Variants in HEMK2 observed in about 807,000 individuals in gnomAD.
HEMK2 encodes methyltransferase HEMK2.
chr21:28,883,630 T>C, the HEMK2 span, among the ~76,000 whole-genome samples: 2 of 152,202 alleles, frequency 1.3e-5, no homozygotes, highest in African/African-American at 4.8e-5. Context: ...TCTTTGAATG[T>C]TAACCATCTT....
the HEMK2 span, among the ~76,000 whole-genome samples, chr21:28,770,343 C>CT: frequency 3.3e-5 from 5 of 152,226 alleles, no homozygotes; most frequent in South Asian, 2.1e-4. Flanking sequence ...AGCCCCTTTA[C>CT]TTTCTTCCCT....
At chr21:28,723,210 C>T in the HEMK2 span, among the ~76,000 whole-genome samples, 4 of 151,290 alleles carry the variant, frequency 2.6e-5, no homozygotes, top group Admixed American at 2.6e-4. Context: ...GAGACAGAGT[C>T]TTGTTATGTT....
At chr21:28,681,570 C>CA in the HEMK2 span, among the ~76,000 whole-genome samples, 17 of 151,750 alleles carry the variant, frequency 1.1e-4, no homozygotes, top group Admixed American at 1.1e-3. Flanking sequence ...TCATATGGAC[C>CA]AAAAAAAAGC....
At chr21:28,747,945 T>C in the HEMK2 span, among the ~76,000 whole-genome samples, 1 of 152,234 alleles carries the variant, frequency 6.6e-6, no homozygotes, top group African/African-American at 2.4e-5. Context: ...TCTATGGCTG[T>C]GTAATGTTGA....
the HEMK2 span, among the ~76,000 whole-genome samples, chr21:28,598,511 A>G: frequency 6.6e-6 from 1 of 152,154 alleles, no homozygotes; most frequent in African/African-American, 2.4e-5. Context: ...ACAACCATGC[A>G]ACTCCCCTGT....
the HEMK2 span, among the ~76,000 whole-genome samples, chr21:28,842,781 G>A: frequency 6.6e-6 from 1 of 152,140 alleles, no homozygotes; most frequent in Non-Finnish European, 1.5e-5. Flanking sequence ...GACAAAGGTA[G>A]AATATCCCAG....
the HEMK2 span, among the ~76,000 whole-genome samples, chr21:28,781,492 G>A: frequency 1.3e-5 from 2 of 151,914 alleles, no homozygotes; most frequent in African/African-American, 4.8e-5. Flanking sequence ...GGATTTCACA[G>A]AACTTCAGAA....
chr21:28,589,582 G>A, the HEMK2 span, among the ~76,000 whole-genome samples: 1 of 151,994 alleles, frequency 6.6e-6, no homozygotes, highest in Non-Finnish European at 1.5e-5. Flanking sequence ...ATTAAGTAAA[G>A]GACAGTGGAC....
At chr21:28,735,177 T>G in the HEMK2 span, among the ~76,000 whole-genome samples, 7 of 152,194 alleles carry the variant, frequency 4.6e-5, no homozygotes, top group Non-Finnish European at 1.0e-4. Flanking sequence ...GCATAACAAT[T>G]TCTACAAACT....
chr21:28,657,232 A>G, the HEMK2 span, among the ~76,000 whole-genome samples: 1 of 152,222 alleles, frequency 6.6e-6, no homozygotes, highest in East Asian at 1.9e-4. Flanking sequence ...AGATCTGCAT[A>G]AAGATACAGA....
the HEMK2 span, among the ~76,000 whole-genome samples, chr21:28,880,949 A>AAAAAAAAAAG: frequency 7.2e-6 from 1 of 139,694 alleles, no homozygotes. Flanking sequence ...AAAAAAAAAA[A>AAAAAAAAAAG]AAACCGGAAA....
chr21:28,881,322 T>G, the HEMK2 span, among the ~76,000 whole-genome samples: 128,438 of 152,172 alleles, frequency 0.84, 54,638 homozygotes, highest in South Asian at 0.93. Context: ...CTATGAGGCA[T>G]TTTGAAGCCA....
At chr21:28,665,507 G>A in the HEMK2 span, among the ~76,000 whole-genome samples, 239 of 149,072 alleles carry the variant, frequency 1.6e-3, no homozygotes, top group Non-Finnish European at 1.9e-3. Context: ...TAGATGACAC[G>A]TTAGTGGGTG....
chr21:28,876,220 T>C, the HEMK2 span: 2 of 442,842 alleles, frequency 4.5e-6, no homozygotes, highest in Non-Finnish European at 8.0e-6. Flanking sequence ...TACTTGTACT[T>C]GTGCAAATAA....
chr21:28,841,351 A>AATAT, the HEMK2 span, among the ~76,000 whole-genome samples: 2 of 16,926 alleles, frequency 1.2e-4, no homozygotes, highest in African/African-American at 8.4e-4. Context: ...TATATATATA[A>AATAT]ATATTATATA....
At chr21:28,806,462 C>T in the HEMK2 span, among the ~76,000 whole-genome samples, 1 of 152,064 alleles carries the variant, frequency 6.6e-6, no homozygotes, top group African/African-American at 2.4e-5. Flanking sequence ...AAATCCTAAC[C>T]TCCAGTAACT....
the HEMK2 span, among the ~76,000 whole-genome samples, chr21:28,607,153 G>C: frequency 1.3e-5 from 2 of 152,288 alleles, no homozygotes; most frequent in East Asian, 3.9e-4. Context: ...GTTCATGCCT[G>C]TAATCCTAGA....
At chr21:28,853,571 G>A in the HEMK2 span, among the ~76,000 whole-genome samples, 1 of 152,188 alleles carries the variant, frequency 6.6e-6, no homozygotes, top group South Asian at 2.1e-4. Flanking sequence ...TGGGACTTTA[G>A]ACTAGTTATA....
chr21:28,700,317 T>C, the HEMK2 span, among the ~76,000 whole-genome samples: 1 of 152,178 alleles, frequency 6.6e-6, no homozygotes, highest in Non-Finnish European at 1.5e-5. Flanking sequence ...AAGAACACGT[T>C]TCCATTTTTA....
Sources: allele counts gnomAD v4.1 joint callset (sites outside exome capture counted in the v4.1 genomes callset), GRCh38; gene constraint gnomAD v4.1.1; transcripts MANE v1.5; gene names NCBI Gene and HGNC (gene_info 2026-07-23, HGNC 2026-07-21).